PCDHGB2: variants seen among roughly 807,000 people sequenced by gnomAD.
The protein encoded by PCDHGB2 is protocadherin gamma-B2.
Under a neutral mutation model 59.3 loss-of-function variants are expected in PCDHGB2, and 55 were observed. The observed-to-expected ratio is 0.93, with a 90% CI of 0.75 to 1.16. PCDHGB2 has a LOEUF of 1.16. Among genes scored for constraint, PCDHGB2 ranks in the 50% most tolerant of loss-of-function variants. PCDHGB2 has a pLI of 0.00. For missense variants in PCDHGB2, 1,228 were observed against 1,198.5 expected, an observed-to-expected ratio of 1.02 and a Z score of -0.36; for synonymous variants, 516 against 512.0, an observed-to-expected ratio of 1.01 and a Z score of -0.11.
At chr5:141,418,895 GAA>G (rs746676640) in intron 1 of PCDHGB2, 1 of 1,613,998 alleles carries the variant, frequency 6.2e-7, no homozygotes, top group Admixed American at 1.7e-5. Flanking sequence ...CAACAGCCCA[GAA>G]ATAATCATCA....
chr5:141,447,048 A>T (rs149112101), intron 1 of PCDHGB2, among the ~76,000 whole-genome samples: 1 of 152,066 alleles, frequency 6.6e-6, no homozygotes, highest in Non-Finnish European at 1.5e-5. Flanking sequence ...CTGGAATTCT[A>T]TTAAAATGTG....
At chr5:141,388,497 C>T (rs2091382933) in intron 1 of PCDHGB2, 34 of 1,613,702 alleles carry the variant, frequency 2.1e-5, no homozygotes, top group Middle Eastern at 1.6e-4. Flanking sequence ...CAGAGAAAAG[C>T]AGAAATCCTA....
At chr5:141,387,019 A>G (rs753625930) in intron 1 of PCDHGB2, among the ~76,000 whole-genome samples, 1 of 152,192 alleles carries the variant, frequency 6.6e-6, no homozygotes, top group Non-Finnish European at 1.5e-5. Context: ...TTGAAGATGA[A>G]TGTTGTATTT....
chr5:141,360,679 GA>G lies in PCDHGB2; in HGVS notation c.545del (p.Glu182GlyfsTer13). 6.2e-7 allele frequency: 1 copy of G among 1,613,988 alleles called. No individual in the cohort carries two copies. The highest frequency in any genetic ancestry group is 8.5e-7 in the Non-Finnish European group (1 of 1,179,900). ...LNDNEYFDLA[E>X]KQTPDGRKYP... ...TGACAACGAGTACTTTGATCTCGCT[GA>G]GAAACAGACTCCAGATGGTCGTAAA... On this transcript the variant is annotated frameshift_variant, in exon 1 of 4. Transcript: ENST00000522605. LOFTEE classifies it high-confidence loss of function.
rs192631651 is a variant in PCDHGB2 at position 141,432,052 on chromosome 5, C to T, written c.2422-62755C>T. On this transcript the variant is annotated intron_variant, in intron 1 of 3. Transcript: ENST00000522605. This position sits in a 1 kb window ranked among gnomAD's most constrained non-coding sequence, Gnocchi z 6.0. ...CCGCCACTGACCGGGGAACCCCGCC[C>T]CTATCCACGGAAACTCATATCTCGC... is the stretch of plus-strand genomic sequence containing the variant. The T allele has an allele frequency of 1.2e-6, 2 of 1,614,108 alleles. No individual in the cohort carries two copies. The highest frequency in any genetic ancestry group is 1.3e-5 in the African/African-American group (1 of 74,930).
Position 141,419,271 on chromosome 5 carries a change from T to C in PCDHGB2, c.2421+56715T>C, listed in dbSNP as rs2096352878. 4 of 1,613,902 alleles carry C rather than the reference T, an allele frequency of 2.5e-6. No homozygotes were observed. In the South Asian group the frequency reaches 3.3e-5, roughly 13 times the overall value. ...GAAAACAACCAGCCGGGTGCCTCCA[T>C]AGCGCAAGTCAGTGCCTCTGACCCA... On this transcript the variant is annotated intron_variant, in intron 1 of 3. Transcript: ENST00000522605.
chr5:141,372,700 A>G (rs1768981627), intron 1 of PCDHGB2: 1 of 1,614,002 alleles, frequency 6.2e-7, no homozygotes, highest in South Asian at 1.1e-5. Context: ...AAATTTCTCA[A>G]TATAAAGGCT....
chr5:141,427,096 T>A, intron 1 of PCDHGB2: 1 of 458,056 alleles, frequency 2.2e-6, no homozygotes, highest in Non-Finnish European at 4.4e-6. Flanking sequence ...GATGAGGGTG[T>A]CAATGCGGAG....
At chr5:141,394,742 G>A (rs752402821) in intron 1 of PCDHGB2, 5 of 1,613,300 alleles carry the variant, frequency 3.1e-6, no homozygotes, top group African/African-American at 1.3e-5. Flanking sequence ...AGAGCCTCGT[G>A]GTGGCCGTCC....
chr5:141,395,422 G>T, intron 1 of PCDHGB2: 1 of 728,826 alleles, frequency 1.4e-6, no homozygotes, highest in Non-Finnish European at 2.1e-6. Flanking sequence ...TGTTTCATTT[G>T]CTTTTAAACG....
chr5:141,383,108 G>A, intron 1 of PCDHGB2: 2 of 1,614,020 alleles, frequency 1.2e-6, no homozygotes, highest in African/African-American at 2.7e-5. Flanking sequence ...ATCTCCAGAG[G>A]TAGGACGCAG....
rs762200805 is a variant in PCDHGB2 at position 141,423,045 on chromosome 5, C to T, written c.2421+60489C>T. 8 of 1,614,210 alleles carry T rather than the reference C, an allele frequency of 5.0e-6. No homozygotes were observed. The East Asian group carries it at 1.8e-4, about 36-fold the overall frequency. ...ATTCAGGCCAGAACGCCTGGCTGTCCTATCGCCTGCTTAAGGCCAGCGAGC... is the reference window on the plus strand; with the variant it reads ...ATTCAGGCCAGAACGCCTGGCTGTCTTATCGCCTGCTTAAGGCCAGCGAGC... On this transcript the variant is annotated intron_variant, in intron 1 of 3. Transcript: ENST00000522605.
intron 1 of PCDHGB2, chr5:141,383,044 GC>G: frequency 1.2e-6 from 2 of 1,613,878 alleles, no homozygotes; most frequent in Non-Finnish European, 8.5e-7. Context: ...GGGAGACATC[GC>G]CAAGGACCTG....
Position 141,477,468 on chromosome 5 carries a change from A to G in PCDHGB2, c.2422-17339A>G. ...GTGCGTGTTCAAGTGTCCGACATCA[A>G]TGACAACCCTCCACAATCTTCTCAA... is the stretch of plus-strand genomic sequence containing the variant. On this transcript the variant is annotated intron_variant, in intron 1 of 3. Transcript: ENST00000522605. This position sits in a 1 kb window ranked among gnomAD's most constrained non-coding sequence, Gnocchi z 4.9. 6.2e-7 allele frequency: 1 copy of G among 1,614,158 alleles called. No homozygotes were observed. Among genetic ancestry groups the G allele is most frequent in the Non-Finnish European group, 8.5e-7 (1 of 1,180,022 alleles).
In PCDHGB2 at chr5:141,376,687, T is replaced by G. The variant is rs1033908230; in HGVS notation, c.2421+14131T>G. On this transcript the variant is annotated intron_variant, in intron 1 of 3. Coordinates refer to ENST00000522605, the MANE Select transcript of PCDHGB2 (RefSeq NM_018923.3). ...CAGGTGAGGGTATCGTTTTTTTTTT[T>G]TTTTTTTTTTGAGACGGAGTCTCGC... The G allele has an allele frequency of 1.3e-4, 108 of 822,468 alleles. 3 individuals are homozygous for G. The highest frequency in any genetic ancestry group is 8.8e-4 in the East Asian group (32 of 36,212). 50.9% of individuals were successfully genotyped at this position (822,468 alleles called of 1,614,324 possible).
intron 1 of PCDHGB2, chr5:141,375,949 C>A: frequency 6.2e-7 from 1 of 1,613,568 alleles, no homozygotes; most frequent in Non-Finnish European, 8.5e-7. Flanking sequence ...TGGGCCTGCA[C>A]ACGGGCGAGG....
At chr5:141,385,574 C>T in intron 1 of PCDHGB2, 1 of 1,293,946 alleles carries the variant, frequency 7.7e-7, no homozygotes, top group Non-Finnish European at 9.8e-7. Flanking sequence ...ACCTACTTTC[C>T]AATCTATGTT....
rs748462670 is a variant in PCDHGB2, at chr5:141,478,010, C to T, written c.2422-16797C>T. Reference sequence around the variant, plus strand: ...GCACACTGGTCAAATCAGTACTGCCCGTCCAGTCCAAGACACAGATTCACC... The same window carrying T: ...GCACACTGGTCAAATCAGTACTGCCTGTCCAGTCCAAGACACAGATTCACC... On this transcript the variant is annotated intron_variant, in intron 1 of 3. Coordinates refer to ENST00000522605, the MANE Select transcript of PCDHGB2 (RefSeq NM_018923.3). 9 of 1,614,008 alleles carry T rather than the reference C, an allele frequency of 5.6e-6. No homozygotes were observed. The highest frequency in any genetic ancestry group is 1.7e-5 in the Admixed American group (1 of 59,998).
At chr5:141,376,267 G>T (rs1021502624) in intron 1 of PCDHGB2, 2 of 1,614,210 alleles carry the variant, frequency 1.2e-6, no homozygotes. Flanking sequence ...TGCAGGCTTC[G>T]GGAGGTGGCT....
Sources: gnomAD v4.1 joint callset for allele counts (sites outside exome capture counted in the v4.1 genomes callset) on GRCh38, gnomAD v4.1.1 for gene constraint, Gnocchi (gnomAD v3.1) non-coding constraint, MANE v1.5 for transcripts, NCBI Gene and HGNC (gene_info 2026-07-23, HGNC 2026-07-21) for gene names.